UTS2: variants seen among roughly 807,000 people sequenced by gnomAD.
UTS2 encodes the protein urotensin 2.
Under a neutral mutation model 12.6 loss-of-function variants are expected in UTS2, and 10 were observed. The observed-to-expected ratio is 0.80, with a 90% CI of 0.49 to 1.35. The LOEUF (loss-of-function observed/expected upper bound fraction) is 1.35, where lower values mean the gene tolerates loss of function less well. Ranked by LOEUF, UTS2 falls within the 40% of genes most tolerant of loss-of-function variation. The pLI, the probability that UTS2 is intolerant of heterozygous loss-of-function variation, is 0.00. For synonymous variants in UTS2, 52 were observed against 50.0 expected, an observed-to-expected ratio of 1.04 and a Z score of -0.17; for missense variants, 142 against 143.2, an observed-to-expected ratio of 0.99 and a Z score of 0.04.
the UTS2 span, among the ~76,000 whole-genome samples, chr1:7,898,956 T>C: frequency 6.6e-6 from 1 of 152,252 alleles, no homozygotes; most frequent in African/African-American, 2.4e-5. Flanking sequence ...GAAAAGAGGT[T>C]GAATTGGCTC....
chr1:7,897,684 T>A, the UTS2 span, among the ~76,000 whole-genome samples: 1 of 152,134 alleles, frequency 6.6e-6, no homozygotes, highest in Non-Finnish European at 1.5e-5. Flanking sequence ...CCGCCCAGGT[T>A]CAAGCAATTC....
chr1:7,888,147 T>C, the UTS2 span, among the ~76,000 whole-genome samples: 1 of 152,242 alleles, frequency 6.6e-6, no homozygotes, highest in Admixed American at 6.5e-5. Context: ...ATTTCGTTGT[T>C]GGGCCACACT....
At chr1:7,891,540 G>GA in the UTS2 span, among the ~76,000 whole-genome samples, 2 of 86,386 alleles carry the variant, frequency 2.3e-5, no homozygotes, top group South Asian at 3.9e-4. Flanking sequence ...AGAAAGAAAA[G>GA]AAAGAAAGAA....
At chr1:7,856,796 C>G (rs1162277751), upstream of UTS2, among the ~76,000 whole-genome samples, 1 of 151,652 alleles carries the variant, frequency 6.6e-6, no homozygotes, top group Non-Finnish European at 1.5e-5. Flanking sequence ...CACGGTGGCT[C>G]AGACTTGTAA....
chr1:7,851,161 A>G (rs79479445), intron 1 of UTS2, among the ~76,000 whole-genome samples: 6,028 of 152,342 alleles, frequency 0.04, 189 homozygotes, highest in Non-Finnish European at 0.067. Flanking sequence ...TGATGAGCCA[A>G]GCCCCTCGGC....
chr1:7,874,161 C>A, the UTS2 span, among the ~76,000 whole-genome samples: 16 of 152,282 alleles, frequency 1.1e-4, 1 homozygote, highest in South Asian at 3.3e-3. Flanking sequence ...CCAAGAGAAA[C>A]TGCCCAACGT....
At chr1:7,853,280 A>G (rs763110511), upstream of UTS2, 2 of 1,613,846 alleles carry the variant, frequency 1.2e-6, no homozygotes, top group South Asian at 2.2e-5. Context: ...CAGTGAGTTT[A>G]TAAATCTGGC....
chr1:7,911,553 T>C, the UTS2 span, among the ~76,000 whole-genome samples: 2 of 152,280 alleles, frequency 1.3e-5, no homozygotes, highest in East Asian at 1.9e-4. Flanking sequence ...TCAAAATTAC[T>C]GGGTCCAAAG....
chr1:7,901,429 T>C, the UTS2 span, among the ~76,000 whole-genome samples: 1 of 152,162 alleles, frequency 6.6e-6, no homozygotes. Flanking sequence ...AAGGAGCTGC[T>C]TTATGGAGGA....
At chr1:7,880,440 C>T in the UTS2 span, among the ~76,000 whole-genome samples, 2 of 147,718 alleles carry the variant, frequency 1.4e-5, no homozygotes, top group South Asian at 2.1e-4. Context: ...AGGGGGGCGG[C>T]GAAGAACACA....
the UTS2 span, among the ~76,000 whole-genome samples, chr1:7,893,401 T>C: frequency 6.6e-6 from 1 of 152,112 alleles, no homozygotes; most frequent in Non-Finnish European, 1.5e-5. Context: ...CTCGGGAGGC[T>C]GAGGTGGGAG....
the UTS2 span, among the ~76,000 whole-genome samples, chr1:7,904,315 A>T: frequency 1.2e-4 from 18 of 150,338 alleles, no homozygotes; most frequent in East Asian, 1.4e-3. Context: ...AAAATAAAAA[A>T]AAAAAAAAAT....
At chr1:7,863,339 G>T in the UTS2 span, among the ~76,000 whole-genome samples, 2 of 151,988 alleles carry the variant, frequency 1.3e-5, no homozygotes, top group African/African-American at 4.8e-5. Flanking sequence ...TCGAACTCCC[G>T]ACCTCAGGTG....
chr1:7,870,427 C>G, the UTS2 span, among the ~76,000 whole-genome samples: 167 of 152,314 alleles, frequency 1.1e-3, 1 homozygote, highest in African/African-American at 3.8e-3. Context: ...GTCATTGAAG[C>G]CTCTCAGTCG....
chr1:7,861,785 T>C, the UTS2 span, among the ~76,000 whole-genome samples: 1 of 151,976 alleles, frequency 6.6e-6, no homozygotes, highest in Admixed American at 6.5e-5. Flanking sequence ...GTCTGGCAGG[T>C]GGTGTGGAGC....
chr1:7,848,132 C>T (rs2097409761), intron 3 of UTS2, among the ~76,000 whole-genome samples: 1 of 152,132 alleles, frequency 6.6e-6, no homozygotes, highest in Admixed American at 6.6e-5. Flanking sequence ...TTTCCTAAAC[C>T]CTCATTGACC....
the UTS2 span, among the ~76,000 whole-genome samples, chr1:7,875,228 CCAAGCCAAG>C: frequency 2.0e-5 from 3 of 152,022 alleles, no homozygotes; most frequent in Admixed American, 6.6e-5. Context: ...GCGCCCGCCA[CCAAGCCAAG>C]CTAATTTTTT....
At chr1:7,870,436 C>T in the UTS2 span, among the ~76,000 whole-genome samples, 3 of 152,190 alleles carry the variant, frequency 2.0e-5, no homozygotes, top group African/African-American at 4.8e-5. Context: ...GCCTCTCAGT[C>T]GGTTAGTTTG....
At chr1:7,853,805 C>T (rs943690162), upstream of UTS2, among the ~76,000 whole-genome samples, 6 of 152,238 alleles carry the variant, frequency 3.9e-5, no homozygotes, top group Admixed American at 2.6e-4. Flanking sequence ...GAAAGGTCCC[C>T]GACAGGCGTC....
Sources: gnomAD v4.1 joint callset for allele counts (sites outside exome capture counted in the v4.1 genomes callset) on GRCh38, gnomAD v4.1.1 for gene constraint, MANE v1.5 for transcripts, NCBI Gene and HGNC (gene_info 2026-07-23, HGNC 2026-07-21) for gene names.